The following ENOX2 variants were observed in gnomAD, a reference collection of about 807,000 sequenced individuals.
ENOX2 encodes ecto-NOX disulfide-thiol exchanger 2, also known as APK1 antigen.
ENOX2 carries 36 observed loss-of-function variants against 45.0 expected under a neutral mutation model. That is an observed-to-expected ratio of 0.80 (90% CI 0.61 to 1.06). The LOEUF (loss-of-function observed/expected upper bound fraction) is 1.06. Among genes scored for constraint, ENOX2 ranks in the 50% least tolerant of loss-of-function variants. The pLI is 0.00. For synonymous variants in ENOX2, 174 were observed against 152.3 expected (o/e 1.14, Z -1.05); for missense variants, 423 against 462.5 (o/e 0.91, Z 0.78).
In ENOX2 at chrX:130,788,696, C is replaced by T. The variant is rs185330963; in HGVS notation, c.-182-5006G>A. 3.8e-3 allele frequency among the ~76,000 whole-genome samples: 431 copies of T among 112,222 alleles called. 2 individuals are homozygous for T. The highest frequency in any genetic ancestry group is 0.013 in the African/African-American group (416 of 30,932). ...GTCAGAAATTGTCCAAAGTCTTACG[C>T]ATTCCTCACAGTCCTTGCCCTTTTA... On this transcript the variant is annotated intron_variant, in intron 2 of 14. Transcript: ENST00000394363.
intron 5 of ENOX2, among the ~76,000 whole-genome samples, chrX:130,685,331 T>C (rs1216979047): frequency 2.7e-5 from 3 of 111,622 alleles, no homozygotes; most frequent in Non-Finnish European, 5.6e-5. Flanking sequence ...CTTTAGTCTC[T>C]ATTGTGAGTG....
chrX:130,669,265 A>C (rs1286539909), intron 7 of ENOX2, among the ~76,000 whole-genome samples: 1 of 112,252 alleles, frequency 8.9e-6, no homozygotes, highest in Non-Finnish European at 1.9e-5. Flanking sequence ...TTGAGCTACT[A>C]AGACAGGAGA....
At chrX:130,668,866 T>C (rs1347682622) in intron 7 of ENOX2, among the ~76,000 whole-genome samples, 1 of 112,303 alleles carries the variant, frequency 8.9e-6, no homozygotes, top group Non-Finnish European at 1.9e-5. Context: ...ATTCATTTTT[T>C]TAAACTTAAA....
At chrX:130,765,804 T>C in intron 3 of ENOX2, among the ~76,000 whole-genome samples, 1 of 111,824 alleles carries the variant, frequency 8.9e-6, no homozygotes, top group Non-Finnish European at 1.9e-5. Context: ...ATGCCAAAAT[T>C]GCTTGCAGCA....
At chrX:130,819,071 A>C (rs2077544036) in intron 2 of ENOX2, among the ~76,000 whole-genome samples, 1 of 112,481 alleles carries the variant, frequency 8.9e-6, no homozygotes, top group African/African-American at 3.2e-5. Flanking sequence ...AAAGGATATG[A>C]ACAGGCACTT....
rs16999768 is a variant in ENOX2 at position 130,887,003 on chromosome X, C to T, written c.-183+14681G>A. On this transcript the variant is annotated intron_variant, in intron 2 of 14. Coordinates refer to ENST00000394363, the MANE Select transcript of ENOX2 (RefSeq NM_006375.4). ...AGAGAAGCGTGCACAATTAAGGGATCGGGACTACCAGTTTAACAGAAAACG... is the reference window on the plus strand; with the variant it reads ...AGAGAAGCGTGCACAATTAAGGGATTGGGACTACCAGTTTAACAGAAAACG... Among the ~76,000 whole-genome samples the T allele has an allele frequency of 8.9e-3, 990 of 111,808 alleles. 10 individuals are homozygous for T. Among genetic ancestry groups the T allele is most frequent in the African/African-American group, 0.03 (910 of 30,754 alleles).
intron 3 of ENOX2, among the ~76,000 whole-genome samples, chrX:130,751,934 G>T (rs1466262201): frequency 1.8e-5 from 2 of 111,439 alleles, no homozygotes; most frequent in Non-Finnish European, 3.8e-5. Flanking sequence ...TTGTTGAGTT[G>T]TAAGAGTCCT....
At chrX:130,636,098 TA>T (rs779752093) in intron 11 of ENOX2, among the ~76,000 whole-genome samples, 172 of 112,057 alleles carry the variant, frequency 1.5e-3, no homozygotes, top group African/African-American at 5.3e-3. Context: ...CTGGAAGGGT[TA>T]AAAAGCATGA....
intron 2 of ENOX2, among the ~76,000 whole-genome samples, chrX:130,797,175 T>G (rs2077144711): frequency 8.9e-6 from 1 of 112,002 alleles, no homozygotes; most frequent in African/African-American, 3.2e-5. Flanking sequence ...TCTTAACACC[T>G]AAGAGTTCTA....
intron 3 of ENOX2, among the ~76,000 whole-genome samples, chrX:130,739,268 A>G (rs1262584032): frequency 1.8e-5 from 2 of 112,605 alleles, no homozygotes; most frequent in Admixed American, 1.9e-4. Context: ...GAGCCACACG[A>G]TCACGAGGGT....
At chrX:130,851,611 C>G (rs1451702343) in intron 2 of ENOX2, among the ~76,000 whole-genome samples, 1 of 110,897 alleles carries the variant, frequency 9.0e-6, no homozygotes, top group Non-Finnish European at 1.9e-5. Context: ...TTATCCCTTT[C>G]TAGTCTTCCT....
At chrX:130,871,788 C>G (rs1486718871) in intron 2 of ENOX2, among the ~76,000 whole-genome samples, 1 of 110,665 alleles carries the variant, frequency 9.0e-6, no homozygotes, top group Non-Finnish European at 1.9e-5. Flanking sequence ...CTTTTCTAAG[C>G]CACCGAGGAA....
intron 9 of ENOX2, among the ~76,000 whole-genome samples, chrX:130,659,635 G>A (rs5977340): frequency 2.7e-5 from 3 of 112,478 alleles, no homozygotes; most frequent in Non-Finnish European, 5.6e-5. Flanking sequence ...TGGCAAATTC[G>A]AATATTGTAC....
chrX:130,633,410 A>T (rs759329805), intron 12 of ENOX2, among the ~76,000 whole-genome samples: 34 of 112,646 alleles, frequency 3.0e-4, no homozygotes, highest in Non-Finnish European at 5.4e-4. Context: ...TCAGTTTATA[A>T]TGAACTGTCA....
intron 3 of ENOX2, among the ~76,000 whole-genome samples, chrX:130,719,614 C>T (rs1478098606): frequency 8.9e-6 from 1 of 112,246 alleles, no homozygotes; most frequent in African/African-American, 3.2e-5. Context: ...AGCATGGGGG[C>T]TCCAGCTGAG....
chrX:130,725,457 T>C (rs1053953888), intron 3 of ENOX2, among the ~76,000 whole-genome samples: 2 of 108,361 alleles, frequency 1.8e-5, no homozygotes, highest in African/African-American at 6.8e-5. Context: ...AAGTGCCATG[T>C]TTTTGTGCCC....
At chrX:130,759,156 T>C (rs1466957685) in intron 3 of ENOX2, among the ~76,000 whole-genome samples, 1 of 111,362 alleles carries the variant, frequency 9.0e-6, no homozygotes, top group Admixed American at 9.5e-5. Flanking sequence ...TTTCTTCTAT[T>C]TTTTTCTCTA....
At chrX:130,849,653 T>C (rs2078173503) in intron 2 of ENOX2, among the ~76,000 whole-genome samples, 1 of 112,212 alleles carries the variant, frequency 8.9e-6, no homozygotes, top group Non-Finnish European at 1.9e-5. Flanking sequence ...AACAGCAGAA[T>C]GTCGTGGAAA....
chrX:130,759,249 GTTCA>G (rs2039417783), intron 3 of ENOX2, among the ~76,000 whole-genome samples: 1 of 110,928 alleles, frequency 9.0e-6, no homozygotes, highest in Non-Finnish European at 1.9e-5. Flanking sequence ...TTAGATTGAG[GTTCA>G]TTAATTTTAC....
Sources: gnomAD v4.1 joint callset for allele counts (sites outside exome capture counted in the v4.1 genomes callset) on GRCh38, gnomAD v4.1.1 for gene constraint, MANE v1.5 for transcripts, NCBI Gene and HGNC (gene_info 2026-07-23, HGNC 2026-07-21) for gene names.